Variants in PSD3 observed in about 807,000 individuals in gnomAD.
PSD3 encodes PH and SEC7 domain-containing protein 3.
In PSD3, 49 loss-of-function variants were observed where a neutral mutation model predicts 105.5. The observed-to-expected ratio is 0.46, with a 90% confidence interval of 0.37 to 0.59. The LOEUF is 0.59. Ranked by LOEUF, PSD3 falls within the 20% of genes least tolerant of loss-of-function variation. The probability of loss-of-function intolerance (pLI) is 0.00; values close to 1 mark genes in which losing one functional copy is unlikely to be tolerated. For missense variants in PSD3, 1,561 were observed against 1,263.8 expected (o/e 1.24, Z -3.57); for synonymous variants, 557 against 457.8 (o/e 1.22, Z -2.77).
intron 4 of PSD3, among the ~76,000 whole-genome samples, chr8:18,827,917 G>T (rs1813330978): frequency 6.8e-6 from 1 of 147,048 alleles, no homozygotes; most frequent in Non-Finnish European, 1.5e-5. Context: ...CTTTTAGGAA[G>T]GCAGCAGATT....
chr8:18,819,114 C>T (rs113160440), intron 4 of PSD3, among the ~76,000 whole-genome samples: 160 of 152,312 alleles, frequency 1.1e-3, no homozygotes, highest in Non-Finnish European at 2.0e-3. Context: ...AACTGGTACC[C>T]AGAGACAGAA....
intron 2 of PSD3, among the ~76,000 whole-genome samples, chr8:18,910,285 C>T (rs1388402434): frequency 6.9e-6 from 1 of 144,370 alleles, no homozygotes; most frequent in African/African-American, 2.6e-5. Flanking sequence ...GGCACATATA[C>T]ACCATGGAAT....
intron 12 of PSD3, among the ~76,000 whole-genome samples, chr8:18,593,895 G>A (rs930593628): frequency 2.9e-5 from 4 of 140,230 alleles, no homozygotes; most frequent in Non-Finnish European, 6.0e-5. Context: ...AACACCGCAT[G>A]CTCTCAGTCA....
intron 10 of PSD3, among the ~76,000 whole-genome samples, chr8:18,653,387 G>A (rs530917023): frequency 6.7e-4 from 101 of 151,636 alleles, no homozygotes; most frequent in African/African-American, 2.4e-3. Flanking sequence ...AAAAGAAATT[G>A]GAGCTTTGAA....
chr8:18,535,141 A>C lies in PSD3; in HGVS notation c.*602T>G, dbSNP rs1176241898. 1 of 153,096 alleles carries C rather than the reference A, an allele frequency of 6.5e-6. No individual in the cohort carries two copies. Among genetic ancestry groups the C allele is most frequent in the African/African-American group, 2.4e-5 (1 of 41,434 alleles). The allele number at this position is 153,096 out of a possible 1,614,324, so 9.5% of individuals were successfully genotyped here. ...CTAAGTTCTCAATCCTACGATCTTC[A>C]CGCTTCTTTTCCCTGCTTCCAGCAG... is the stretch of plus-strand genomic sequence containing the variant. On this transcript the variant is annotated 3_prime_UTR_variant, in exon 16 of 16. Transcript: ENST00000327040.
intron 9 of PSD3, among the ~76,000 whole-genome samples, chr8:18,758,414 CT>C (rs143280710): frequency 0.015 from 2,081 of 135,028 alleles, 36 homozygotes; most frequent in African/African-American, 0.042. Context: ...CAGTTTTACT[CT>C]TTTTTTTTTT....
intron 9 of PSD3, among the ~76,000 whole-genome samples, chr8:18,683,041 TC>T (rs1172642254): frequency 6.6e-6 from 1 of 152,236 alleles, no homozygotes; most frequent in Non-Finnish European, 1.5e-5. Flanking sequence ...AGTACCCTGC[TC>T]ACACAGATGG....
At chr8:18,853,571 T>G (rs1815762804) in intron 4 of PSD3, among the ~76,000 whole-genome samples, 1 of 152,198 alleles carries the variant, frequency 6.6e-6, no homozygotes, top group African/African-American at 2.4e-5. Context: ...GCCCTTTTCA[T>G]TAGATAACTG....
intron 9 of PSD3, among the ~76,000 whole-genome samples, chr8:18,720,553 G>T (rs1032270755): frequency 1.3e-5 from 2 of 152,150 alleles, no homozygotes; most frequent in Non-Finnish European, 2.9e-5. Context: ...AAGATCTTGA[G>T]TGGGACATAA....
chr8:18,666,558 AAAAC>A (rs1325854053), intron 9 of PSD3, among the ~76,000 whole-genome samples: 1 of 152,228 alleles, frequency 6.6e-6, no homozygotes, highest in Non-Finnish European at 1.5e-5. Context: ...TCATCATCAA[AAAAC>A]AAACTAAGAG....
chr8:18,563,327 G>A (rs1294070214), intron 14 of PSD3, among the ~76,000 whole-genome samples: 1 of 151,962 alleles, frequency 6.6e-6, no homozygotes, highest in Non-Finnish European at 1.5e-5. Context: ...TCGGTAAACA[G>A]TAGCTGAACA....
At position 18,705,984 on chromosome 8, in the gene PSD3, C is replaced by T. The variant is rs368793024; in HGVS notation, c.2173-50299G>A. 1.2e-3 allele frequency among the ~76,000 whole-genome samples: 181 copies of T among 152,344 alleles called. 1 individual carries two copies. The highest frequency in any genetic ancestry group is 4.1e-3 in the African/African-American group (172 of 41,580). ...CTTCCTACTCCATTGATGTTGACCA[C>T]ACCCATGTAACTTGCTTTGGCCAGT... On this transcript the variant is annotated intron_variant, in intron 9 of 15. Transcript: ENST00000327040.
rs1250523728 is a variant in PSD3 at position 18,535,767 on chromosome 8, TG to T, written c.3119del (p.Pro1040GlnfsTer23). 1 of 1,613,848 alleles carries T rather than the reference TG, an allele frequency of 6.2e-7. No individual in the cohort carries two copies. Among genetic ancestry groups the T allele is most frequent in the Non-Finnish European group, 8.5e-7 (1 of 1,179,720 alleles). On this transcript the variant is annotated frameshift_variant, in exon 16 of 16. Transcript: ENST00000327040. LOFTEE classifies it high-confidence loss of function. ...TCTAAGTAACTTTTTGCTTAATGCT[TG>T]GTGTTTCAGGTCGGTGATCCTTCCT... ...SERKDHRPET[P>X]SIKQKVT
At chr8:18,740,878 G>T (rs1299514705) in intron 9 of PSD3, among the ~76,000 whole-genome samples, 2 of 152,170 alleles carry the variant, frequency 1.3e-5, no homozygotes, top group African/African-American at 4.8e-5. Flanking sequence ...TCCGGGTTCA[G>T]CACTTCCACT....
intron 2 of PSD3, among the ~76,000 whole-genome samples, chr8:18,882,349 G>C (rs370679602): frequency 2.0e-5 from 3 of 152,256 alleles, no homozygotes; most frequent in South Asian, 4.1e-4. Context: ...AAGGATTCAG[G>C]AAACAGTAGG....
At chr8:18,773,632 A>G (rs1208038112) in intron 8 of PSD3, among the ~76,000 whole-genome samples, 1 of 152,116 alleles carries the variant, frequency 6.6e-6, no homozygotes, top group Non-Finnish European at 1.5e-5. Context: ...TTTTATTTGC[A>G]TCTTATTATT....
At chr8:18,917,008 C>T (rs774960375) in intron 2 of PSD3, among the ~76,000 whole-genome samples, 15 of 152,160 alleles carry the variant, frequency 9.9e-5, no homozygotes, top group Non-Finnish European at 2.1e-4. Context: ...CTGAATGTGC[C>T]ATGGGCATCT....
At chr8:18,564,851 C>T (rs973765329) in intron 14 of PSD3, among the ~76,000 whole-genome samples, 13 of 152,030 alleles carry the variant, frequency 8.6e-5, no homozygotes, top group Middle Eastern at 3.2e-3. Flanking sequence ...GTTACTTCAG[C>T]GTGAGAATCA....
chr8:18,630,174 G>A (rs570970195), intron 11 of PSD3, among the ~76,000 whole-genome samples: 12 of 151,634 alleles, frequency 7.9e-5, no homozygotes, highest in Middle Eastern at 3.4e-3. Context: ...AAAGCAGGAC[G>A]AACTTCCTAA....
Sources: allele counts gnomAD v4.1 joint callset (sites outside exome capture counted in the v4.1 genomes callset), GRCh38; gene constraint gnomAD v4.1.1; transcripts MANE v1.5; gene names NCBI Gene and HGNC (gene_info 2026-07-23, HGNC 2026-07-21).